The following CDH10 variants were observed in gnomAD, a reference collection of about 807,000 sequenced individuals.
CDH10 encodes the protein cadherin 10.
CDH10 carries 30 observed loss-of-function variants against 73.1 expected under a neutral mutation model. The ratio of observed to expected loss-of-function variants is 0.41; its 90% CI spans 0.31 to 0.56. The LOEUF (loss-of-function observed/expected upper bound fraction) is 0.56, where lower values mean the gene tolerates loss of function less well. Among genes scored for constraint, CDH10 ranks in the 20% least tolerant of loss-of-function variants. The probability of loss-of-function intolerance (pLI) is 0.27; values close to 1 mark genes in which losing one functional copy is unlikely to be tolerated. For missense variants in CDH10, 815 were observed against 973.7 expected (o/e 0.84, Z 2.17); for synonymous variants, 345 against 348.2 (o/e 0.99, Z 0.10).
At chr5:24,602,220 T>G (rs1172337013) in intron 1 of CDH10, among the ~76,000 whole-genome samples, 1 of 152,128 alleles carries the variant, frequency 6.6e-6, no homozygotes, top group Non-Finnish European at 1.5e-5. Context: ...TTACAAGAGA[T>G]TATACATTAG....
chr5:24,619,698 G>A (rs574888002), intron 1 of CDH10, among the ~76,000 whole-genome samples: 1 of 152,106 alleles, frequency 6.6e-6, no homozygotes, highest in East Asian at 1.9e-4. Context: ...TTCATATGTT[G>A]GAATCCTAAC....
intron 5 of CDH10, among the ~76,000 whole-genome samples, chr5:24,516,392 T>TA (rs1354680898): frequency 2.0e-5 from 3 of 152,066 alleles, no homozygotes; most frequent in African/African-American, 4.8e-5. Context: ...CCATTTCTCC[T>TA]AAAAAAATGC....
intron 1 of CDH10, among the ~76,000 whole-genome samples, chr5:24,600,609 T>C (rs73054510): frequency 0.017 from 2,576 of 151,900 alleles, 71 homozygotes; most frequent in African/African-American, 0.059. Context: ...TGCGTGCGTG[T>C]GTGTGTGTGT....
intron 1 of CDH10, chr5:24,610,077 T>C (rs1311449694): frequency 6.6e-6 from 1 of 152,228 alleles, no homozygotes; most frequent in Non-Finnish European, 1.5e-5. Flanking sequence ...TTATTACGCA[T>C]ACAGGAGAGG....
In CDH10 at chr5:24,627,965, G is replaced by A. The variant is rs1398205543; in HGVS notation, c.-124+16629C>T. Among the ~76,000 whole-genome samples the A allele has an allele frequency of 4.6e-5, 7 of 152,044 alleles. No individual in the cohort carries two copies. The South Asian group carries it at 1.5e-3, about 32-fold the overall frequency. ...ATTGTCCAAGTTTTTATTTTATAGT[G>A]AGGAAAACTTTGACTACTCTTATGG... On this transcript the variant is annotated intron_variant, in intron 1 of 11. Coordinates refer to ENST00000264463, the MANE Select transcript of CDH10 (RefSeq NM_006727.5).
rs149199529 is a variant in CDH10 at position 24,505,152 on chromosome 5, T to C, written c.1353A>G (p.Leu451=). 447 of 1,612,380 alleles carry C rather than the reference T, an allele frequency of 2.8e-4. 6 individuals carry two copies. Among genetic ancestry groups the C allele is most frequent in the Non-Finnish European group, 2.9e-4 (347 of 1,178,612 alleles). The stretch of plus-strand genomic sequence containing the variant: ...TAACAGTAAGATTATGCCACTGAGA[T>C]AGTTCACGGTCAAGAGGTTTTGATG... ...LYTSKPLDRE[L]SQWHNLTVIA... The change falls in exon 8 of 12, where the codon CTA becomes CTG. Residue 451 remains leucine (L), a synonymous_variant. Transcript: ENST00000264463.
chr5:24,585,860 C>T (rs1465978150), intron 2 of CDH10, among the ~76,000 whole-genome samples: 5 of 152,210 alleles, frequency 3.3e-5, no homozygotes, highest in African/African-American at 7.2e-5. Context: ...GCCTAGTCCT[C>T]TCATGATTCA....
Position 24,492,931 on chromosome 5 carries a change from GA to G in CDH10, c.1516-7del. 9.1e-7 allele frequency: 1 copy of G among 1,103,198 alleles called. No individual in the cohort carries two copies. The highest frequency in any genetic ancestry group is 1.2e-5 in the South Asian group (1 of 80,138). The allele number at this position is 1,103,198 out of a possible 1,614,324, so 68.3% of individuals were successfully genotyped here. ...GCACTTATAGTCTGTATTAGCTGCA[GA>G]AAAAGAAAAATATATCTCATCAATA... On this transcript the variant is annotated splice_region_variant and splice_polypyrimidine_tract_variant and intron_variant, in intron 9 of 11. Transcript: ENST00000264463.
Position 24,613,564 on chromosome 5 carries a change from C to T in CDH10, c.-123-19951G>A, listed in dbSNP as rs144644624. Reference sequence around the variant, plus strand: ...AAAGGAAATGACAGCTTTTATTTACCGTAAAAGTGAAAGAATGTCCTTGGA... The same window carrying T: ...AAAGGAAATGACAGCTTTTATTTACTGTAAAAGTGAAAGAATGTCCTTGGA... On this transcript the variant is annotated intron_variant, in intron 1 of 11. Coordinates refer to ENST00000264463, the MANE Select transcript of CDH10 (RefSeq NM_006727.5). 1.9e-3 allele frequency among the ~76,000 whole-genome samples: 282 copies of T among 150,152 alleles called. 2 individuals carry two copies. The highest frequency in any genetic ancestry group is 6.7e-3 in the African/African-American group (274 of 40,892).
chr5:24,626,260 CTCTTGAT>C (rs1747495941), intron 1 of CDH10, among the ~76,000 whole-genome samples: 1 of 152,040 alleles, frequency 6.6e-6, no homozygotes, highest in African/African-American at 2.4e-5. Context: ...TTGAAGTAAA[CTCTTGAT>C]TCATTTTTTC....
chr5:24,604,090 T>C (rs193209964), intron 1 of CDH10, among the ~76,000 whole-genome samples: 156 of 152,354 alleles, frequency 1.0e-3, no homozygotes, highest in Non-Finnish European at 1.7e-3. Context: ...GGCTCACTCC[T>C]GTATTCGAAA....
intron 5 of CDH10, among the ~76,000 whole-genome samples, chr5:24,519,729 C>T (rs1428490087): frequency 1.3e-5 from 2 of 152,298 alleles, no homozygotes; most frequent in South Asian, 2.1e-4. Flanking sequence ...AGAATAAAAA[C>T]TATTATGTAG....
intron 2 of CDH10, among the ~76,000 whole-genome samples, chr5:24,571,320 G>T (rs1579824452): frequency 6.6e-6 from 1 of 152,080 alleles, no homozygotes; most frequent in South Asian, 2.1e-4. Context: ...AAAAAAGCAG[G>T]ATGTGAGAAA....
intron 2 of CDH10, among the ~76,000 whole-genome samples, chr5:24,581,098 A>G (rs1290708316): frequency 6.6e-6 from 1 of 152,062 alleles, no homozygotes; most frequent in Non-Finnish European, 1.5e-5. Context: ...GGGTGTGGCC[A>G]TCCTTGGGGG....
intron 1 of CDH10, among the ~76,000 whole-genome samples, chr5:24,618,628 C>T (rs1385463752): frequency 7.2e-5 from 11 of 152,154 alleles, no homozygotes; most frequent in African/African-American, 1.4e-4. Flanking sequence ...ACTGATTAAG[C>T]GAATAGTCCA....
At chr5:24,603,947 G>A (rs1579462484) in intron 1 of CDH10, among the ~76,000 whole-genome samples, 2 of 152,240 alleles carry the variant, frequency 1.3e-5, no homozygotes, top group Non-Finnish European at 2.9e-5. Flanking sequence ...TACATTAAAA[G>A]CTACCAATCT....
chr5:24,488,221 T>A (rs1741918846), intron 11 of CDH10, 68 bp from the exon 12 acceptor site: 1 of 1,287,642 alleles, frequency 7.8e-7, no homozygotes, highest in Non-Finnish European at 1.1e-6. Flanking sequence ...GTGGAAATAC[T>A]ATAAAAGAGT....
intron 1 of CDH10, chr5:24,610,066 A>G (rs918109679): frequency 6.6e-6 from 1 of 152,214 alleles, no homozygotes; most frequent in African/African-American, 2.4e-5. Flanking sequence ...AACGCTCCAT[A>G]TTATTACGCA....
intron 8 of CDH10, among the ~76,000 whole-genome samples, chr5:24,500,928 T>A (rs13156412): frequency 1.0e-4 from 9 of 89,052 alleles, no homozygotes; most frequent in South Asian, 7.5e-4. Flanking sequence ...GGAGGGAAAA[T>A]AAAAAGGAGA....
Sources: allele counts gnomAD v4.1 joint callset (sites outside exome capture counted in the v4.1 genomes callset), GRCh38; gene constraint gnomAD v4.1.1; transcripts MANE v1.5; gene names NCBI Gene and HGNC (gene_info 2026-07-23, HGNC 2026-07-21).